Variants in PLAC1 observed in about 807,000 individuals in gnomAD.
The protein encoded by PLAC1 is placenta-specific protein 1.
For synonymous variants in PLAC1, 68 were observed against 62.1 expected (o/e 1.09, Z -0.44); for missense variants, 136 against 163.2 (o/e 0.83, Z 0.91).
At chrX:134,643,130 A>G (rs2078315181) in intron 1 of PLAC1, among the ~76,000 whole-genome samples, 1 of 112,198 alleles carries the variant, frequency 8.9e-6, no homozygotes, top group Non-Finnish European at 1.9e-5. Flanking sequence ...AATAATTGGT[A>G]TTTTGTATTA....
At chrX:134,724,502 T>G (rs1393014392) in intron 2 of PLAC1, among the ~76,000 whole-genome samples, 1 of 112,553 alleles carries the variant, frequency 8.9e-6, no homozygotes, top group Non-Finnish European at 1.9e-5. Context: ...GTGCACATGT[T>G]CAATTTCTTT....
At chrX:134,643,409 A>G (rs779014035) in intron 1 of PLAC1, among the ~76,000 whole-genome samples, 2 of 112,017 alleles carry the variant, frequency 1.8e-5, no homozygotes, top group East Asian at 5.6e-4. Flanking sequence ...GAAACTTCCA[A>G]CTTATTTTCC....
At position 134,667,189 on chromosome X, in the gene PLAC1, TA is replaced by T. The variant is rs1040234094; in HGVS notation, n.175-65068del. ...GATGAAATGGAGACTTCATGAAAAT[TA>T]AAAGGCTTTCTGCTTCAAAGCACAC... On this transcript the variant is annotated intron_variant and non_coding_transcript_variant, in intron 2 of 2. Transcript: ENST00000466797. 3.1e-4 allele frequency among the ~76,000 whole-genome samples: 35 copies of T among 112,131 alleles called. No individual in the cohort carries two copies. The Admixed American group carries it at 3.2e-3, about 10-fold the overall frequency.
At chrX:134,602,677 T>C (rs2078094264) in intron 1 of PLAC1, among the ~76,000 whole-genome samples, 1 of 111,634 alleles carries the variant, frequency 9.0e-6, no homozygotes, top group South Asian at 3.7e-4. Flanking sequence ...CATACATGAA[T>C]CTCAAAATAG....
At position 134,637,304 on chromosome X, in the gene PLAC1, G is replaced by C. The variant is rs1255255522; in HGVS notation, c.-131+21024C>G. ...CAGGCATGGGGAAGGGGACAGGACA[G>C]AAGGAAGAAGACATTGACCAGGCTT... On this transcript the variant is annotated intron_variant, in intron 1 of 2. Transcript: ENST00000359237. Among the ~76,000 whole-genome samples, 3 of 111,690 alleles carry C rather than the reference G, an allele frequency of 2.7e-5. No individual in the cohort carries two copies. In the East Asian group the frequency reaches 8.5e-4, roughly 32 times the overall value.
In PLAC1 at chrX:134,736,006, G is replaced by A. The variant is rs190694101; in HGVS notation, n.90-2487C>T. Among the ~76,000 whole-genome samples, 679 of 109,229 alleles carry A rather than the reference G, an allele frequency of 6.2e-3. 6 individuals carry two copies. The highest frequency in any genetic ancestry group is 0.022 in the African/African-American group (652 of 30,022). 94.9% of individuals were successfully genotyped at this position (109,229 alleles called of 115,157 possible). On this transcript the variant is annotated intron_variant and non_coding_transcript_variant, in intron 1 of 2. Transcript: ENST00000466797. ...AAGAAGAAGTAAAGGGGCTGGGCGCGGTGGCTCACGCCTGTAATTCCAGCA... is the reference window on the plus strand; with the variant it reads ...AAGAAGAAGTAAAGGGGCTGGGCGCAGTGGCTCACGCCTGTAATTCCAGCA...
intron 2 of PLAC1, among the ~76,000 whole-genome samples, chrX:134,700,302 G>A (rs1167280113): frequency 1.8e-5 from 2 of 111,404 alleles, no homozygotes; most frequent in Non-Finnish European, 3.8e-5. Context: ...TTCAGTAATT[G>A]GCCCATAGAA....
chrX:134,708,902 G>GT (rs1474672581), intron 2 of PLAC1, among the ~76,000 whole-genome samples: 1 of 111,279 alleles, frequency 9.0e-6, no homozygotes, highest in Non-Finnish European at 1.9e-5. Context: ...CACACATATT[G>GT]TATCAATGTC....
At chrX:134,614,236 T>A (rs2078168421) in intron 1 of PLAC1, among the ~76,000 whole-genome samples, 1 of 111,600 alleles carries the variant, frequency 9.0e-6, no homozygotes, top group African/African-American at 3.3e-5. Context: ...CATATTCTTT[T>A]AAAATGTTTA....
intron 2 of PLAC1, among the ~76,000 whole-genome samples, chrX:134,705,416 C>CAAAAAA (rs756637363): frequency 1.0e-4 from 3 of 28,979 alleles, no homozygotes; most frequent in Admixed American, 4.3e-4. Flanking sequence ...GACTCCGTCT[C>CAAAAAA]AAAAAAAAAA....
intron 1 of PLAC1, among the ~76,000 whole-genome samples, chrX:134,738,352 C>T (rs1038460742): frequency 1.8e-5 from 2 of 111,815 alleles, no homozygotes; most frequent in African/African-American, 6.5e-5. Flanking sequence ...GCAGTTCTCT[C>T]GAAAACAAGA....
At chrX:134,684,961 C>T (rs1014993263) in intron 2 of PLAC1, among the ~76,000 whole-genome samples, 8 of 112,216 alleles carry the variant, frequency 7.1e-5, no homozygotes, top group African/African-American at 2.6e-4. Flanking sequence ...CAGTCTTATC[C>T]CGATTTTCTC....
chrX:134,663,439 T>TGC (rs1346844292), upstream of PLAC1, among the ~76,000 whole-genome samples: 1 of 112,481 alleles, frequency 8.9e-6, no homozygotes, highest in African/African-American at 3.2e-5. Flanking sequence ...GATATGTGTG[T>TGC]GTGTGTGTGC....
intron 1 of PLAC1, among the ~76,000 whole-genome samples, chrX:134,610,836 T>C (rs1292793348): frequency 1.8e-5 from 2 of 111,613 alleles, no homozygotes; most frequent in Non-Finnish European, 3.8e-5. Context: ...TTAATTATTT[T>C]ACTTTTGTTG....
In PLAC1 at chrX:134,758,155, T is replaced by C. The variant is rs191019672; in HGVS notation, n.89+6079A>G. 2.5e-4 allele frequency among the ~76,000 whole-genome samples: 27 copies of C among 107,162 alleles called. No individual in the cohort carries two copies. In the South Asian group the frequency reaches 4.0e-3, roughly 16 times the overall value. 93.1% of individuals were successfully genotyped at this position (107,162 alleles called of 115,157 possible). ...CTGATAAAAGAAATTGAAGATGACATAGACAAATGGAAAAAAAAAACCCAT... is the reference window on the plus strand; with the variant it reads ...CTGATAAAAGAAATTGAAGATGACACAGACAAATGGAAAAAAAAAACCCAT... On this transcript the variant is annotated intron_variant and non_coding_transcript_variant, in intron 1 of 2. Coordinates refer to the PLAC1 transcript ENST00000466797.
At chrX:134,693,678 TGA>T (rs756777420) in intron 2 of PLAC1, among the ~76,000 whole-genome samples, 22 of 106,187 alleles carry the variant, frequency 2.1e-4, no homozygotes, top group East Asian at 2.1e-3. Context: ...CAGAAGAAAT[TGA>T]GAGAGAGAGA....
At chrX:134,720,866 C>T (rs1043408192) in intron 2 of PLAC1, among the ~76,000 whole-genome samples, 1 of 111,666 alleles carries the variant, frequency 9.0e-6, no homozygotes, top group Non-Finnish European at 1.9e-5. Flanking sequence ...CTATGTTGCC[C>T]AAGCTGTTCT....
chrX:134,675,663 C>T (rs2078471652), intron 2 of PLAC1, among the ~76,000 whole-genome samples: 1 of 105,333 alleles, frequency 9.5e-6, no homozygotes, highest in Non-Finnish European at 2.0e-5. Flanking sequence ...GAAACTCCAT[C>T]TCAAAAAAAA....
At chrX:134,725,090 T>C (rs2147840230) in intron 2 of PLAC1, among the ~76,000 whole-genome samples, 1 of 112,144 alleles carries the variant, frequency 8.9e-6, no homozygotes, top group African/African-American at 3.2e-5. Context: ...TTTCCTCAGC[T>C]GAAAAATAGG....
Sources: gnomAD v4.1 joint callset for allele counts (sites outside exome capture counted in the v4.1 genomes callset) on GRCh38, gnomAD v4.1.1 for gene constraint, MANE v1.5 for transcripts, NCBI Gene and HGNC (gene_info 2026-07-23, HGNC 2026-07-21) for gene names.